AP3S1: variants seen among roughly 807,000 people sequenced by gnomAD.
AP3S1 encodes the protein AP-3 complex subunit sigma-1.
In AP3S1, 12 loss-of-function variants were observed where a neutral mutation model predicts 21.3. The ratio of observed to expected loss-of-function variants is 0.56; its 90% CI spans 0.36 to 0.91. AP3S1 has a LOEUF of 0.91. Ranked by LOEUF, AP3S1 falls within the 40% of genes least tolerant of loss-of-function variation. AP3S1 has a pLI of 0.01. For synonymous variants in AP3S1, 48 were observed against 78.4 expected (o/e 0.61, Z 2.05); for missense variants, 116 against 225.0 (o/e 0.52, Z 3.10).
chr5:115,851,481 G>A (rs1385690301), intron 1 of AP3S1, among the ~76,000 whole-genome samples: 6 of 151,924 alleles, frequency 3.9e-5, no homozygotes, highest in African/African-American at 1.5e-4. Context: ...CTACATCCAC[G>A]TTATTTTTTG....
chr5:115,862,805 C>A (rs1328161255), intron 1 of AP3S1, among the ~76,000 whole-genome samples: 1 of 152,152 alleles, frequency 6.6e-6, no homozygotes, highest in South Asian at 2.1e-4. Context: ...CTATGGGAGT[C>A]ATATGAAGTG....
intron 3 of AP3S1, 50 bp from the exon 4 acceptor site, chr5:115,895,037 G>T: frequency 7.7e-7 from 1 of 1,290,866 alleles, no homozygotes; most frequent in African/African-American, 1.5e-5. Context: ...ATAGATAATA[G>T]TTTTGAATAA....
chr5:115,850,859 C>T (rs754720324), intron 1 of AP3S1, among the ~76,000 whole-genome samples: 1 of 152,064 alleles, frequency 6.6e-6, no homozygotes, highest in African/African-American at 2.4e-5. Flanking sequence ...TATGAGCTCC[C>T]TTTGGCCATT....
intron 1 of AP3S1, among the ~76,000 whole-genome samples, chr5:115,861,854 T>TCCTTTC: frequency 3.6e-5 from 5 of 140,146 alleles, no homozygotes; most frequent in Non-Finnish European, 7.6e-5. Flanking sequence ...GCCAAAATTT[T>TCCTTTC]CTTTTCTTTT....
intron 2 of AP3S1, among the ~76,000 whole-genome samples, chr5:115,867,181 T>C (rs1270145178): frequency 6.6e-6 from 1 of 152,162 alleles, no homozygotes; most frequent in East Asian, 1.9e-4. Context: ...TCACACTTTG[T>C]ATGCTCATTT....
chr5:115,870,883 C>T (rs1047922771), intron 3 of AP3S1, among the ~76,000 whole-genome samples: 1 of 152,136 alleles, frequency 6.6e-6, no homozygotes, highest in African/African-American at 2.4e-5. Context: ...GATTTCTGGG[C>T]CAGAGACAAA....
At position 115,897,684 on chromosome 5, in the gene AP3S1, C is replaced by T. The variant is rs140960636; in HGVS notation, c.345+2526C>T. ...ACTCCATTCTCCTGCCTCAGCCTCC[C>T]GAGTAGCTGGGACTACAGGCACCCG... On this transcript the variant is annotated intron_variant, in intron 4 of 5. Coordinates refer to ENST00000316788, the MANE Select transcript of AP3S1 (RefSeq NM_001284.4). Among the ~76,000 whole-genome samples, 63 of 151,988 alleles carry T rather than the reference C, an allele frequency of 4.1e-4. No homozygotes were observed. In the East Asian group the frequency reaches 9.7e-3, roughly 23 times the overall value.
chr5:115,904,342 C>T (rs1291375396), intron 5 of AP3S1, among the ~76,000 whole-genome samples: 4 of 152,172 alleles, frequency 2.6e-5, no homozygotes, highest in African/African-American at 9.7e-5. Flanking sequence ...TTTAAAGGAT[C>T]AGTTTAACTC....
At chr5:115,856,861 T>C (rs902424213) in intron 1 of AP3S1, among the ~76,000 whole-genome samples, 1 of 152,214 alleles carries the variant, frequency 6.6e-6, no homozygotes, top group Non-Finnish European at 1.5e-5. Context: ...ATATATATTA[T>C]TATTAACTGT....
intron 3 of AP3S1, among the ~76,000 whole-genome samples, chr5:115,885,985 T>C (rs1448187220): frequency 6.6e-6 from 1 of 152,204 alleles, no homozygotes; most frequent in East Asian, 1.9e-4. Context: ...ATTTTCCATA[T>C]TTTCTAAATG....
chr5:115,851,268 T>C (rs550131612), intron 1 of AP3S1, among the ~76,000 whole-genome samples: 184 of 152,330 alleles, frequency 1.2e-3, no homozygotes, highest in Non-Finnish European at 2.3e-3. Flanking sequence ...TTGGCTATTA[T>C]GAATAATGCT....
chr5:115,904,558 C>T lies in AP3S1; in HGVS notation c.453+1566C>T, dbSNP rs1404196378. 2.0e-5 allele frequency among the ~76,000 whole-genome samples: 3 copies of T among 152,136 alleles called. No homozygotes were observed. In the South Asian group the frequency reaches 6.2e-4, roughly 31 times the overall value. Reference sequence around the variant, plus strand: ...AGTGGTGATTTAGAGCTAAGATTATCTTAACTAACTATATGTTTTGTTTGT... The same window carrying T: ...AGTGGTGATTTAGAGCTAAGATTATTTTAACTAACTATATGTTTTGTTTGT... On this transcript the variant is annotated intron_variant, in intron 5 of 5. Coordinates refer to ENST00000316788, the MANE Select transcript of AP3S1 (RefSeq NM_001284.4).
intron 1 of AP3S1, among the ~76,000 whole-genome samples, chr5:115,857,412 A>G (rs1396128776): frequency 6.6e-6 from 1 of 152,206 alleles, no homozygotes; most frequent in Non-Finnish European, 1.5e-5. Context: ...AAATGAGGAA[A>G]ACTCAGGCAC....
chr5:115,871,159 A>C (rs941750569), intron 3 of AP3S1, among the ~76,000 whole-genome samples: 3 of 152,186 alleles, frequency 2.0e-5, no homozygotes, highest in African/African-American at 7.2e-5. Flanking sequence ...GACACTGTCT[A>C]TTTTCCAGGG....
chr5:115,893,702 A>C (rs1750514351), intron 3 of AP3S1, among the ~76,000 whole-genome samples: 1 of 151,968 alleles, frequency 6.6e-6, no homozygotes, highest in African/African-American at 2.4e-5. Context: ...TTTACATTTT[A>C]CCCCTTTCCC....
At chr5:115,862,657 T>G (rs1763289706) in intron 1 of AP3S1, among the ~76,000 whole-genome samples, 1 of 152,240 alleles carries the variant, frequency 6.6e-6, no homozygotes, top group African/African-American at 2.4e-5. Flanking sequence ...CTGCTTAAAA[T>G]GCTGTGTGAT....
At position 115,906,639 on chromosome 5, in the gene AP3S1, G is replaced by A. The variant is rs544812231; in HGVS notation, c.453+3647G>A. Among the ~76,000 whole-genome samples, 22 of 152,072 alleles carry A rather than the reference G, an allele frequency of 1.4e-4. 1 individual carries two copies. The South Asian group carries it at 4.2e-3, about 29-fold the overall frequency. On this transcript the variant is annotated intron_variant, in intron 5 of 5. Transcript: ENST00000316788. ...TCAGGAACCTGCCTAAGAATAAAAGGACTCCCTGGGGGTGGAGGTAGAGGG... is the reference window on the plus strand; with the variant it reads ...TCAGGAACCTGCCTAAGAATAAAAGAACTCCCTGGGGGTGGAGGTAGAGGG...
intron 5 of AP3S1, among the ~76,000 whole-genome samples, chr5:115,909,991 C>T (rs1027388926): frequency 2.0e-5 from 3 of 152,152 alleles, no homozygotes; most frequent in African/African-American, 7.2e-5. Flanking sequence ...AGGCCAGGTG[C>T]ACTGGCTCAC....
At chr5:115,858,612 C>T (rs1228189729) in intron 1 of AP3S1, among the ~76,000 whole-genome samples, 1 of 151,794 alleles carries the variant, frequency 6.6e-6, no homozygotes, top group Non-Finnish European at 1.5e-5. Context: ...TTCAGTTTTT[C>T]TGAATTTCTT....
Sources: allele counts gnomAD v4.1 joint callset (sites outside exome capture counted in the v4.1 genomes callset), GRCh38; gene constraint gnomAD v4.1.1; transcripts MANE v1.5; gene names NCBI Gene and HGNC (gene_info 2026-07-23, HGNC 2026-07-21).